Variants in NDUFS8 observed in about 807,000 individuals in gnomAD.
NDUFS8 encodes the protein NADH:ubiquinone oxidoreductase core subunit S8.
In NDUFS8, 13 loss-of-function variants were observed where a neutral mutation model predicts 25.6. That is an observed-to-expected ratio of 0.51 (90% CI 0.33 to 0.81). The LOEUF is 0.81. NDUFS8 is among the 30% of genes least tolerant of loss of function. The probability of loss-of-function intolerance (pLI) is 0.02; values close to 1 mark genes in which losing one functional copy is unlikely to be tolerated. For missense variants in NDUFS8, 257 were observed against 300.9 expected, an observed-to-expected ratio of 0.85 and a Z score of 1.08; for synonymous variants, 119 against 119.4, an observed-to-expected ratio of 1.00 and a Z score of 0.02.
Position 68,036,601 on chromosome 11 carries a change from C to T in NDUFS8, c.*8C>T, listed in dbSNP as rs1854897842. ...GACTACTTGTATCGGTGACGCCCCA[C>T]CGGCCCGCAGCCCCTGCTGCCCAAT... On this transcript the variant is annotated 3_prime_UTR_variant, in exon 7 of 7. Coordinates refer to ENST00000313468, the MANE Select transcript of NDUFS8 (RefSeq NM_002496.4). 1 of 1,613,272 alleles carries T rather than the reference C, an allele frequency of 6.2e-7. No homozygotes were observed. The highest frequency in any genetic ancestry group is 1.3e-5 in the African/African-American group (1 of 74,928).
intron 6 of NDUFS8, 21 bp downstream of exon 6, chr11:68,036,402 G>A: frequency 6.2e-7 from 1 of 1,613,756 alleles, no homozygotes; most frequent in Non-Finnish European, 8.5e-7. Context: ...CCCCCGGGTG[G>A]GAGGGGGCCT....
chr11:68,031,948 A>C (rs946764718), intron 1 of NDUFS8, among the ~76,000 whole-genome samples: 4 of 152,224 alleles, frequency 2.6e-5, no homozygotes, highest in Non-Finnish European at 5.9e-5. Context: ...CAGAAACTGA[A>C]TTGTAGCTCA....
At chr11:68,031,841 A>C in intron 1 of NDUFS8, 1 of 487,010 alleles carries the variant, frequency 2.1e-6, no homozygotes, top group Non-Finnish European at 3.8e-6. Context: ...GGGGAGGATG[A>C]AGGGAGGAGC....
At chr11:68,035,934 ACTT>A in intron 5 of NDUFS8, 1 of 377,702 alleles carries the variant, frequency 2.6e-6, no homozygotes, top group Admixed American at 3.7e-5. Context: ...CAGGAGAATC[ACTT>A]GAACCGGGAA....
At chr11:68,035,695 G>C in intron 5 of NDUFS8, 1 of 455,358 alleles carries the variant, frequency 2.2e-6, no homozygotes, top group African/African-American at 2.0e-5. Context: ...GTGAGAGGGG[G>C]TTCTTGGCAG....
intron 3 of NDUFS8, 52 bp from the exon 4 acceptor site, chr11:68,032,871 G>A (rs1431421326): frequency 6.4e-7 from 1 of 1,570,146 alleles, no homozygotes; most frequent in Admixed American, 1.7e-5. Context: ...AGGCTCCAGG[G>A]AGACAGTGTG....
At position 68,036,248 on chromosome 11, in the gene NDUFS8, C is replaced by T. The variant is rs753246393; in HGVS notation, c.373-5C>T. ...CGTGGCAGTGTCTGGTGGCCCCTCC[C>T]GCAGGCCATCACCATCGAGGCTGAG... On this transcript the variant is annotated splice_region_variant and splice_polypyrimidine_tract_variant and intron_variant, in intron 5 of 6. Transcript: ENST00000313468. The T allele has an allele frequency of 1.9e-5, 31 of 1,612,282 alleles. No individual in the cohort carries two copies. The East Asian group carries it at 2.2e-4, about 12-fold the overall frequency.
At chr11:68,032,086 G>A in intron 1 of NDUFS8, 66 bp from the exon 2 acceptor site, 1 of 1,606,522 alleles carries the variant, frequency 6.2e-7, no homozygotes, top group African/African-American at 1.3e-5. Context: ...GATCCTTGCG[G>A]TGCCAGTCTC....
chr11:68,032,651 C>T lies in NDUFS8; in HGVS notation c.110-272C>T, dbSNP rs1015351759. The T allele has an allele frequency of 3.2e-6, 3 of 935,474 alleles. No homozygotes were observed. In the African/African-American group the frequency reaches 5.0e-5, roughly 16 times the overall value. 57.9% of individuals were successfully genotyped at this position (935,474 alleles called of 1,614,324 possible). On this transcript the variant is annotated intron_variant, in intron 3 of 6. Coordinates refer to ENST00000313468, the MANE Select transcript of NDUFS8 (RefSeq NM_002496.4). Reference sequence around the variant, plus strand: ...AAGGCTCAAGCCCCCCACCTACCCCCCTTGATTCCTCTTTCAAGCCCTGTT... The same window carrying T: ...AAGGCTCAAGCCCCCCACCTACCCCTCTTGATTCCTCTTTCAAGCCCTGTT...
At position 68,036,373 on chromosome 11, in the gene NDUFS8, A is replaced by G. The variant is rs1352762723; in HGVS notation, c.493A>G (p.Ile165Val). Residue 165 changes from isoleucine to valine, a missense_variant, in exon 6 of 7, where the codon ATC becomes GTC. Ile to Val is a conservative substitution (Grantham distance 29, BLOSUM62 3). Coordinates refer to ENST00000313468, the MANE Select transcript of NDUFS8 (RefSeq NM_002496.4). Reference sequence around the variant, plus strand: ...CCAGGAGGCCTGTCCCGTGGATGCCATCGTCGAGGCACGTGAGGCCCCCGG... The same window carrying G: ...CCAGGAGGCCTGTCCCGTGGATGCCGTCGTCGAGGCACGTGAGGCCCCCGG... ...FCQEACPVDA[I>V]VEGPNFEFST... The G allele has an allele frequency of 6.2e-7, 1 of 1,613,592 alleles. No homozygotes were observed. Among genetic ancestry groups the G allele is most frequent in the Non-Finnish European group, 8.5e-7 (1 of 1,179,994 alleles).
intron 5 of NDUFS8, chr11:68,035,643 G>T (rs928565972): frequency 2.7e-5 from 12 of 448,388 alleles, no homozygotes; most frequent in Non-Finnish European, 5.4e-5. Context: ...GACCCTTAGG[G>T]CAGCGGGTGC....
At chr11:68,036,412 T>C (rs1565147810) in intron 6 of NDUFS8, 31 bp downstream of exon 6, 3 of 1,613,784 alleles carry the variant, frequency 1.9e-6, no homozygotes, top group Non-Finnish European at 2.5e-6. Flanking sequence ...GGAGGGGGCC[T>C]GAGGCTCCTC....
intron 6 of NDUFS8, 23 bp from the exon 7 acceptor site, chr11:68,036,439 C>T (rs369751977): frequency 1.5e-5 from 25 of 1,613,806 alleles, no homozygotes; most frequent in Admixed American, 3.3e-5. Context: ...GCCTAACCAC[C>T]GTCCCTGCAC....
At chr11:68,032,888 C>T (rs780054847) in intron 3 of NDUFS8, 35 bp from the exon 4 acceptor site, 33 of 1,606,908 alleles carry the variant, frequency 2.1e-5, no homozygotes, top group Non-Finnish European at 2.6e-6. Context: ...TGTGTGAGGC[C>T]TCTTGCCATG....
At chr11:68,034,692 T>C (rs186683392) in intron 5 of NDUFS8, 6 of 149,558 alleles carry the variant, frequency 4.0e-5, no homozygotes, top group Admixed American at 4.0e-4. Context: ...CAGGTCCCTG[T>C]AATCTCAGCT....
chr11:68,033,255 A>G lies in NDUFS8; in HGVS notation c.344A>G (p.Lys115Arg). The change falls in exon 5 of 7, where the codon AAG (lysine) becomes AGG (arginine). Residue 115 changes from lysine to arginine, a missense_variant. Lys to Arg is a conservative substitution (Grantham distance 26). Transcript: ENST00000313468. ...GGGGAGGAGCGTTGCATTGCCTGCA[A>G]GCTCTGCGAGGCCATCTGCCCCGCC... is the stretch of plus-strand genomic sequence containing the variant. ...PSGEERCIAC[K>R]LCEAICPAQA... is the part of the protein sequence containing the mutation. 6.2e-7 allele frequency: 1 copy of G among 1,609,366 alleles called. No homozygotes were observed. The highest frequency in any genetic ancestry group is 8.5e-7 in the Non-Finnish European group (1 of 1,179,004).
At chr11:68,030,932 G>T in intron 1 of NDUFS8, 199 bp downstream of exon 1, 1 of 436,622 alleles carries the variant, frequency 2.3e-6, no homozygotes, top group Non-Finnish European at 4.6e-6. Context: ...TGCGCCACCG[G>T]CCTAGTTAGG....
chr11:68,030,779 G>A (rs1037848279), intron 1 of NDUFS8, 46 bp downstream of exon 1: 24 of 351,986 alleles, frequency 6.8e-5, no homozygotes, highest in African/African-American at 2.0e-4. Context: ...TGGGCAGCGT[G>A]GCGTCGGGGG....
intron 3 of NDUFS8, 23 bp downstream of exon 3, chr11:68,032,359 G>A (rs774639417): frequency 6.2e-7 from 1 of 1,613,090 alleles, no homozygotes; most frequent in Non-Finnish European, 8.5e-7. Context: ...GTGGCCTCTA[G>A]CCTCAGGTGT....
Sources: allele counts gnomAD v4.1 joint callset (sites outside exome capture counted in the v4.1 genomes callset), GRCh38; gene constraint gnomAD v4.1.1; transcripts MANE v1.5; gene names NCBI Gene and HGNC (gene_info 2026-07-23, HGNC 2026-07-21).